The following GSTCD variants were observed in gnomAD, a reference collection of about 807,000 sequenced individuals.
GSTCD encodes glutathione S-transferase C-terminal domain containing, also known as glutathione S-transferase C-terminal domain-containing protein.
In GSTCD, 44 loss-of-function variants were observed where a neutral mutation model predicts 68.3. The observed-to-expected ratio is 0.64, with a 90% confidence interval of 0.51 to 0.83. The LOEUF (loss-of-function observed/expected upper bound fraction) is 0.83. GSTCD is among the 40% of genes least tolerant of loss of function. The pLI, the probability that GSTCD is intolerant of heterozygous loss-of-function variation, is 0.00. For synonymous variants in GSTCD, 273 were observed against 255.2 expected (o/e 1.07, Z -0.67); for missense variants, 739 against 735.9 (o/e 1.00, Z -0.05).
intron 5 of GSTCD, among the ~76,000 whole-genome samples, chr4:105,810,809 T>C (rs1314850343): frequency 6.6e-6 from 1 of 152,132 alleles, no homozygotes; most frequent in Non-Finnish European, 1.5e-5. Context: ...TATTACCTTC[T>C]CAGTGACAGG....
rs553987876 is a variant in GSTCD at position 105,821,904 on chromosome 4, A to G, written c.1241-1050A>G. On this transcript the variant is annotated intron_variant, in intron 5 of 11. Transcript: ENST00000515279. ...TTTACATTTAAAAATCTTTCCTAAA[A>G]TAATATTTTCCTGTGCTTTTTAACT... is the stretch of plus-strand genomic sequence containing the variant. 6.6e-5 allele frequency among the ~76,000 whole-genome samples: 10 copies of G among 152,026 alleles called. No homozygotes were observed. The South Asian group carries it at 2.1e-3, about 31-fold the overall frequency.
At chr4:105,823,313 A>T in intron 7 of GSTCD, 38 bp downstream of exon 7, 1 of 1,602,892 alleles carries the variant, frequency 6.2e-7, no homozygotes, top group Non-Finnish European at 8.5e-7. Flanking sequence ...AATATTTTAA[A>T]ATTATACAGT....
intron 5 of GSTCD, among the ~76,000 whole-genome samples, chr4:105,787,876 AAAACT>A (rs1735524485): frequency 6.6e-6 from 1 of 152,124 alleles, no homozygotes; most frequent in African/African-American, 2.4e-5. Flanking sequence ...TTACTATTTT[AAAACT>A]AAACATTTAA....
rs769084742 is a variant in GSTCD, at chr4:105,845,398, C to G, written c.1766-43C>G. On this transcript the variant is annotated intron_variant, in intron 11 of 11. Coordinates refer to ENST00000515279, the MANE Select transcript of GSTCD (RefSeq NM_001370181.1). ...CCTTAAACAAACTGAAACTGTCCTG[C>G]TAGTGAAAGGGTGTCTCATGATACC... 3.1e-6 allele frequency: 5 copies of G among 1,610,928 alleles called. No homozygotes were observed. In the South Asian group the frequency reaches 5.5e-5, roughly 18 times the overall value.
intron 5 of GSTCD, among the ~76,000 whole-genome samples, chr4:105,749,097 G>A (rs1470908630): frequency 6.6e-6 from 1 of 151,662 alleles, no homozygotes; most frequent in African/African-American, 2.4e-5. Context: ...GTAACAAGGA[G>A]GTAGAGAACT....
intron 4 of GSTCD, among the ~76,000 whole-genome samples, chr4:105,728,704 G>C (rs1387921002): frequency 1.3e-5 from 2 of 151,528 alleles, no homozygotes; most frequent in Non-Finnish European, 2.9e-5. Flanking sequence ...TATAGATATA[G>C]ATATAGATAT....
intron 1 of GSTCD, among the ~76,000 whole-genome samples, chr4:105,709,962 C>CG (rs932263298): frequency 3.3e-5 from 5 of 150,700 alleles, no homozygotes; most frequent in Non-Finnish European, 7.4e-5. Flanking sequence ...TTAAGCTATG[C>CG]GGGTTTTTTT....
At chr4:105,726,104 A>G (rs1733022452) in intron 3 of GSTCD, among the ~76,000 whole-genome samples, 1 of 152,216 alleles carries the variant, frequency 6.6e-6, no homozygotes, top group Admixed American at 6.6e-5. Flanking sequence ...ATTATTTATA[A>G]TAACCAACAA....
At chr4:105,833,767 A>G (rs1723998297) in intron 8 of GSTCD, among the ~76,000 whole-genome samples, 1 of 135,984 alleles carries the variant, frequency 7.4e-6, no homozygotes, top group South Asian at 2.1e-4. Context: ...ATACTTAAGG[A>G]TATGTGTTTT....
At chr4:105,787,970 A>G (rs1269388922) in intron 5 of GSTCD, among the ~76,000 whole-genome samples, 1 of 152,118 alleles carries the variant, frequency 6.6e-6, no homozygotes, top group Non-Finnish European at 1.5e-5. Flanking sequence ...AGAAAGAAAA[A>G]TAATCACCTT....
chr4:105,791,677 A>G (rs1046976797), intron 5 of GSTCD, among the ~76,000 whole-genome samples: 1 of 152,118 alleles, frequency 6.6e-6, no homozygotes, highest in South Asian at 2.1e-4. Flanking sequence ...CATATACACC[A>G]TGAGAACAGA....
intron 9 of GSTCD, 70 bp from the exon 10 acceptor site, chr4:105,837,784 ATAATT>A: frequency 1.6e-6 from 1 of 637,362 alleles, no homozygotes; most frequent in Non-Finnish European, 2.7e-6. Flanking sequence ...ATATTTTTAT[ATAATT>A]TAGTTTCTTC....
intron 5 of GSTCD, among the ~76,000 whole-genome samples, chr4:105,752,622 T>G (rs907224951): frequency 6.6e-6 from 1 of 152,196 alleles, no homozygotes; most frequent in East Asian, 1.9e-4. Flanking sequence ...ATTGAATGTT[T>G]ATTGAATAAT....
intron 5 of GSTCD, among the ~76,000 whole-genome samples, chr4:105,821,808 A>G (rs746420245): frequency 3.3e-5 from 5 of 151,894 alleles, no homozygotes; most frequent in Non-Finnish European, 5.9e-5. Context: ...TATAATTGAA[A>G]GTAACCATAC....
chr4:105,840,387 T>C (rs1268795508), intron 10 of GSTCD: 4 of 255,882 alleles, frequency 1.6e-5, no homozygotes, highest in Non-Finnish European at 3.2e-5. Context: ...TCACCCATTG[T>C]CATGAAATTT....
intron 11 of GSTCD, 96 bp from the exon 12 acceptor site, chr4:105,845,345 C>G: frequency 2.2e-6 from 3 of 1,337,996 alleles, no homozygotes; most frequent in Non-Finnish European, 3.2e-6. Context: ...CTCCATAGTA[C>G]TTGCAGATTT....
chr4:105,719,106 T>C lies in GSTCD; in HGVS notation c.473T>C (p.Ile158Thr). ...TGTGAACTCACCATCCCTTTGGCTA[T>C]TGAGAATTTTCTCAGAGAATCTTCT... ...RLCELTIPLA[I>T]ENFLRESSDQ... The change falls in exon 3 of 12, where the codon ATT becomes ACT. Residue 158 changes from isoleucine (I) to threonine (T), a missense_variant. Coordinates refer to ENST00000515279, the MANE Select transcript of GSTCD (RefSeq NM_001370181.1). 6.2e-7 allele frequency: 1 copy of C among 1,614,146 alleles called. No homozygotes were observed. The highest frequency in any genetic ancestry group is 8.5e-7 in the Non-Finnish European group (1 of 1,179,996).
intron 7 of GSTCD, among the ~76,000 whole-genome samples, chr4:105,824,686 A>G (rs1226743998): frequency 6.6e-6 from 1 of 150,898 alleles, no homozygotes; most frequent in Non-Finnish European, 1.5e-5. Flanking sequence ...AATCCATACC[A>G]TACATTACAG....
chr4:105,837,670 T>G (rs765525646), intron 9 of GSTCD, among the ~76,000 whole-genome samples, 189 bp from the exon 10 acceptor site: 1 of 152,228 alleles, frequency 6.6e-6, no homozygotes, highest in Admixed American at 6.5e-5. Context: ...TTCTTAAAAT[T>G]AATAACATAT....
Sources: gnomAD v4.1 joint callset for allele counts (sites outside exome capture counted in the v4.1 genomes callset) on GRCh38, gnomAD v4.1.1 for gene constraint, MANE v1.5 for transcripts, NCBI Gene and HGNC (gene_info 2026-07-23, HGNC 2026-07-21) for gene names.